MICU2: variants seen among roughly 807,000 people sequenced by gnomAD.
MICU2 encodes the protein calcium uptake protein 2, mitochondrial.
Under a neutral mutation model 60.4 loss-of-function variants are expected in MICU2, and 64 were observed. That is an observed-to-expected ratio of 1.06 (90% CI 0.87 to 1.31). The LOEUF (loss-of-function observed/expected upper bound fraction) is 1.31, where lower values mean the gene tolerates loss of function less well. MICU2 is among the 50% of genes most tolerant of loss of function. The pLI is 0.00. For missense variants in MICU2, 569 were observed against 531.0 expected, an observed-to-expected ratio of 1.07 and a Z score of -0.70; for synonymous variants, 201 against 175.0, an observed-to-expected ratio of 1.15 and a Z score of -1.17.
intron 1 of MICU2, among the ~76,000 whole-genome samples, chr13:21,579,638 G>A (rs955364292): frequency 6.6e-6 from 1 of 152,068 alleles, no homozygotes; most frequent in African/African-American, 2.4e-5. Flanking sequence ...CACCACGCCC[G>A]ACTCAAAGCT....
chr13:21,550,875 C>A (rs1005568463), intron 2 of MICU2, among the ~76,000 whole-genome samples: 1 of 152,192 alleles, frequency 6.6e-6, no homozygotes, highest in African/African-American at 2.4e-5. Context: ...CCCACAGACA[C>A]AATACTACTA....
chr13:21,597,459 C>T (rs182346917), intron 1 of MICU2, among the ~76,000 whole-genome samples: 213 of 152,092 alleles, frequency 1.4e-3, no homozygotes, highest in African/African-American at 4.3e-3. Context: ...CCAATCAAAC[C>T]GAAGTTAGAG....
chr13:21,604,006 C>T lies in MICU2; in HGVS notation c.143G>A (p.Gly48Glu). Residue 48 changes from glycine to glutamate, a missense_variant, in exon 1 of 12, where the codon GGA (glycine) becomes GAA (glutamate). Coordinates refer to ENST00000382374, the MANE Select transcript of MICU2 (RefSeq NM_152726.3). ...AVAGAALAGA[G>E]AAWHHSRVSV... Reference sequence around the variant, plus strand: ...GACGCGGCTGTGGTGCCAGGCCGCTCCTGCTCCTGCCAGGGCCGCGCCGGC... The same window carrying T: ...GACGCGGCTGTGGTGCCAGGCCGCTTCTGCTCCTGCCAGGGCCGCGCCGGC... The T allele has an allele frequency of 1.2e-6, 2 of 1,610,760 alleles. No individual in the cohort carries two copies. The highest frequency in any genetic ancestry group is 1.7e-6 in the Non-Finnish European group (2 of 1,179,226).
chr13:21,538,697 G>A (rs1268269877), intron 4 of MICU2, among the ~76,000 whole-genome samples: 4 of 152,054 alleles, frequency 2.6e-5, no homozygotes, highest in African/African-American at 9.7e-5. Flanking sequence ...TGAACTAAAT[G>A]GGAGGATGTT....
At chr13:21,517,789 ACACACACACACGCGCGCGCGCGCG>A (rs1249603712) in intron 6 of MICU2, among the ~76,000 whole-genome samples, 11 of 96,090 alleles carry the variant, frequency 1.1e-4, no homozygotes, top group African/African-American at 4.3e-4. Context: ...ACACACACAC[ACACACACACACGCGCGCGCGCGCG>A]CACACGCGCT....
intron 9 of MICU2, among the ~76,000 whole-genome samples, chr13:21,502,626 CTT>C (rs1886202874): frequency 6.6e-6 from 1 of 152,230 alleles, no homozygotes; most frequent in Non-Finnish European, 1.5e-5. Context: ...TTTTTATACT[CTT>C]TTAAATAATC....
chr13:21,533,047 C>T (rs1201793937), intron 4 of MICU2, among the ~76,000 whole-genome samples: 1 of 152,072 alleles, frequency 6.6e-6, no homozygotes, highest in Non-Finnish European at 1.5e-5. Context: ...AGAGCAAATA[C>T]AGAGACATGG....
At chr13:21,569,679 T>A (rs951063409) in intron 1 of MICU2, among the ~76,000 whole-genome samples, 2 of 151,612 alleles carry the variant, frequency 1.3e-5, no homozygotes, top group Non-Finnish European at 2.9e-5. Flanking sequence ...TAATATATAA[T>A]ACTCTGTATT....
At chr13:21,602,647 A>T (rs1888851307) in intron 1 of MICU2, 1 of 152,222 alleles carries the variant, frequency 6.6e-6, no homozygotes, top group Non-Finnish European at 1.5e-5. Context: ...AAAACACTAG[A>T]TAATAGATCT....
At position 21,522,653 on chromosome 13, in the gene MICU2, G is replaced by A. The variant is rs769664473; in HGVS notation, c.467-3C>T. ...ATACTCGGTATATGAAATTAGCCCT[G>A]AAAGAGATAAAAACATACCAGAAAA... On this transcript the variant is annotated splice_polypyrimidine_tract_variant and splice_region_variant and intron_variant, in intron 4 of 11. Coordinates refer to ENST00000382374, the MANE Select transcript of MICU2 (RefSeq NM_152726.3). 6.3e-7 allele frequency: 1 copy of A among 1,596,698 alleles called. No individual in the cohort carries two copies. Among genetic ancestry groups the A allele is most frequent in the Non-Finnish European group, 8.5e-7 (1 of 1,170,010 alleles).
In MICU2 at chr13:21,493,250, T is replaced by C. The variant is rs746295090; in HGVS notation, c.1304A>G (p.Ter435=). 1 of 1,590,774 alleles carries C rather than the reference T, an allele frequency of 6.3e-7. No individual in the cohort carries two copies. The highest frequency in any genetic ancestry group is 8.6e-7 in the Non-Finnish European group (1 of 1,168,944). ...VWKQAGKGLF[*] is the part of the protein sequence containing the mutation. Reference sequence around the variant, plus strand: ...ATTGCCATACTATTATATCTTTTATTAAAAAAGACCTTTTCCAGCTTGTTT... The same window carrying C: ...ATTGCCATACTATTATATCTTTTATCAAAAAAGACCTTTTCCAGCTTGTTT... Residue 435 remains the stop codon, a stop_retained_variant, in exon 12 of 12, where the codon TAA becomes TGA. Coordinates refer to ENST00000382374, the MANE Select transcript of MICU2 (RefSeq NM_152726.3).
intron 9 of MICU2, among the ~76,000 whole-genome samples, chr13:21,497,765 CT>C (rs1886038349): frequency 1.3e-5 from 2 of 152,214 alleles, no homozygotes; most frequent in African/African-American, 4.8e-5. Context: ...TAGTTTTTAT[CT>C]TGTTTTTGAG....
At chr13:21,557,368 A>T (rs2138027606) in intron 2 of MICU2, among the ~76,000 whole-genome samples, 1 of 152,324 alleles carries the variant, frequency 6.6e-6, no homozygotes, top group Non-Finnish European at 1.5e-5. Flanking sequence ...TAGATAAGCT[A>T]GGTCTCAAAG....
At chr13:21,575,729 C>CAAAA (rs10557584) in intron 1 of MICU2, among the ~76,000 whole-genome samples, 5 of 48,050 alleles carry the variant, frequency 1.0e-4, no homozygotes, top group African/African-American at 1.8e-4. Context: ...GACTCTGTCT[C>CAAAA]AAAAAAAAAA....
At chr13:21,504,605 T>C (rs752691035) in intron 8 of MICU2, among the ~76,000 whole-genome samples, 4 of 152,224 alleles carry the variant, frequency 2.6e-5, no homozygotes, top group Admixed American at 2.0e-4. Context: ...CATGCATATA[T>C]GAATTGGAAA....
intron 1 of MICU2, among the ~76,000 whole-genome samples, chr13:21,593,587 A>AAC (rs1888632304): frequency 6.7e-6 from 1 of 149,580 alleles, no homozygotes; most frequent in Non-Finnish European, 1.5e-5. Flanking sequence ...AAAAAAAAAA[A>AAC]AAAAAAACAA....
chr13:21,553,459 C>T lies in MICU2; in HGVS notation c.358+13338G>A, dbSNP rs544213846. ...GCCTGACTGCCCTGGCCAGAACTTG[C>T]AACACTATGTTGAATAGGAGTGGTG... On this transcript the variant is annotated intron_variant, in intron 2 of 11. Coordinates refer to ENST00000382374, the MANE Select transcript of MICU2 (RefSeq NM_152726.3). Among the ~76,000 whole-genome samples the T allele has an allele frequency of 1.1e-3, 166 of 152,248 alleles. 1 individual carries two copies. Among genetic ancestry groups the T allele is most frequent in the African/African-American group, 3.9e-3 (162 of 41,550 alleles).
chr13:21,504,423 T>G lies in MICU2; in HGVS notation c.762-1326A>C, dbSNP rs142124506. ...CGAGCCTCTACCAGAGGCTGAAATA[T>G]TATAAACTTAATTGCTGTTAAACTA... is the stretch of plus-strand genomic sequence containing the variant. On this transcript the variant is annotated intron_variant, in intron 8 of 11. Transcript: ENST00000382374. Among the ~76,000 whole-genome samples, 953 of 152,258 alleles carry G rather than the reference T, an allele frequency of 6.3e-3. 11 individuals are homozygous for G. The highest frequency in any genetic ancestry group is 0.022 in the African/African-American group (902 of 41,528).
intron 1 of MICU2, among the ~76,000 whole-genome samples, chr13:21,584,250 G>A (rs915392347): frequency 1.1e-4 from 16 of 152,024 alleles, no homozygotes; most frequent in Non-Finnish European, 1.6e-4. Context: ...TTAGCTGGGC[G>A]TGGTGGCAGG....
Sources: gnomAD v4.1 joint callset for allele counts (sites outside exome capture counted in the v4.1 genomes callset) on GRCh38, gnomAD v4.1.1 for gene constraint, MANE v1.5 for transcripts, NCBI Gene and HGNC (gene_info 2026-07-23, HGNC 2026-07-21) for gene names.